Variants in NOX4 observed in about 807,000 individuals in gnomAD.
The protein encoded by NOX4 is NADPH oxidase 4, also known as kidney oxidase-1.
NOX4 carries 69 observed loss-of-function variants against 87.6 expected under a neutral mutation model. The observed-to-expected ratio is 0.79, with a 90% CI of 0.65 to 0.96. NOX4 has a LOEUF of 0.96. Among genes scored for constraint, NOX4 ranks in the 40% least tolerant of loss-of-function variants. The pLI is 0.00. For missense variants in NOX4, 680 were observed against 681.5 expected, an observed-to-expected ratio of 1.00 and a Z score of 0.02; for synonymous variants, 275 against 238.2, an observed-to-expected ratio of 1.15 and a Z score of -1.42.
the NOX4 span, among the ~76,000 whole-genome samples, chr11:89,527,586 G>C: frequency 1.3e-5 from 2 of 152,116 alleles, no homozygotes; most frequent in African/African-American, 4.8e-5. Flanking sequence ...CCCAGATATG[G>C]CTAAAAGGGG....
chr11:89,513,822 A>G, the NOX4 span, among the ~76,000 whole-genome samples: 4 of 152,092 alleles, frequency 2.6e-5, no homozygotes, highest in East Asian at 1.9e-4. Flanking sequence ...CAAGGAAACC[A>G]TAACATAAAT....
At chr11:89,378,133 G>GA (rs1939990675) in intron 11 of NOX4, among the ~76,000 whole-genome samples, 1 of 152,186 alleles carries the variant, frequency 6.6e-6, no homozygotes, top group Admixed American at 6.5e-5. Context: ...GTCACCCTGT[G>GA]AAAAACCACC....
chr11:89,476,703 A>G (rs1421966425), intron 2 of NOX4, among the ~76,000 whole-genome samples: 1 of 152,162 alleles, frequency 6.6e-6, no homozygotes, highest in Non-Finnish European at 1.5e-5. Flanking sequence ...AAGCAGCAGG[A>G]TATTAGAGGT....
chr11:89,524,257 T>C, the NOX4 span, among the ~76,000 whole-genome samples: 2 of 152,188 alleles, frequency 1.3e-5, no homozygotes, highest in African/African-American at 2.4e-5. Flanking sequence ...AAATGTCAAG[T>C]AGGTTTAAGT....
the NOX4 span, among the ~76,000 whole-genome samples, chr11:89,536,133 CTTTTCTTTTTTTTT>C: frequency 3.9e-4 from 52 of 134,786 alleles, no homozygotes; most frequent in African/African-American, 1.5e-3. Flanking sequence ...TGATCTGGTC[CTTTTCTTTTTTTTT>C]TTTTTTTTTT....
chr11:89,465,923 G>C (rs962499439), intron 2 of NOX4, among the ~76,000 whole-genome samples: 11 of 152,032 alleles, frequency 7.2e-5, no homozygotes, highest in Non-Finnish European at 1.2e-4. Context: ...CCATTCTGTA[G>C]GTTGCCTGTT....
At chr11:89,455,044 T>C (rs1945125032) in intron 2 of NOX4, among the ~76,000 whole-genome samples, 1 of 152,074 alleles carries the variant, frequency 6.6e-6, no homozygotes, top group Non-Finnish European at 1.5e-5. Context: ...GAGAAAAGCC[T>C]ACTCCAATAG....
the NOX4 span, among the ~76,000 whole-genome samples, chr11:89,589,028 C>A: frequency 2.6e-5 from 4 of 152,258 alleles, no homozygotes; most frequent in Admixed American, 1.3e-4. Flanking sequence ...AATTAACAGA[C>A]AACATATTAG....
chr11:89,386,100 G>C (rs915460565), intron 11 of NOX4, among the ~76,000 whole-genome samples: 1 of 152,094 alleles, frequency 6.6e-6, no homozygotes, highest in Non-Finnish European at 1.5e-5. Flanking sequence ...AAAAGGAATG[G>C]ACAATACTTT....
At chr11:89,533,800 T>G in the NOX4 span, 1 of 152,210 alleles carries the variant, frequency 6.6e-6, no homozygotes, top group Non-Finnish European at 1.5e-5. Flanking sequence ...TAAAGACTGT[T>G]GATTCTACAC....
intron 7 of NOX4, among the ~76,000 whole-genome samples, chr11:89,425,924 T>C (rs566291514): frequency 6.6e-6 from 1 of 152,276 alleles, no homozygotes; most frequent in East Asian, 1.9e-4. Context: ...TTGGAGATTC[T>C]TGAAGATTAG....
intron 8 of NOX4, among the ~76,000 whole-genome samples, chr11:89,409,731 A>G (rs1645213302): frequency 6.6e-6 from 1 of 152,188 alleles, no homozygotes; most frequent in African/African-American, 2.4e-5. Context: ...AACAAAAGAT[A>G]TAAAGTTAAA....
chr11:89,524,772 T>A, the NOX4 span, among the ~76,000 whole-genome samples: 1 of 152,256 alleles, frequency 6.6e-6, no homozygotes, highest in Admixed American at 6.5e-5. Flanking sequence ...AATGGTTTAA[T>A]CTGACTAATT....
chr11:89,339,593 C>T (rs753778715), intron 15 of NOX4, among the ~76,000 whole-genome samples: 4 of 151,980 alleles, frequency 2.6e-5, no homozygotes, highest in African/African-American at 7.2e-5. Context: ...AAATAAAACA[C>T]AAAATTTGGG....
chr11:89,536,266 T>C, the NOX4 span, among the ~76,000 whole-genome samples: 1 of 150,916 alleles, frequency 6.6e-6, no homozygotes, highest in African/African-American at 2.4e-5. Flanking sequence ...CCTGCCTCAG[T>C]CTTCCGAGTA....
chr11:89,488,844 A>G (rs760178041), intron 2 of NOX4: 21 of 590,344 alleles, frequency 3.6e-5, no homozygotes, highest in Non-Finnish European at 5.4e-5. Flanking sequence ...ATCAGACCTC[A>G]TGTGTTTATT....
rs1056918230 is a variant in NOX4 at position 89,402,405 on chromosome 11, G to C, written c.767C>G (p.Ser256Ter). The change falls in exon 9 of 18, where the codon TCA (serine) becomes TGA (stop). Residue 256 changes from serine to a stop codon, truncating the protein, a stop_gained. Coordinates refer to ENST00000263317, the MANE Select transcript of NOX4 (RefSeq NM_016931.5). LOFTEE classifies it high-confidence loss of function. ...HFHEPFPEGFSKPAEFTQHKF... is the reference protein window; with the variant it reads ...HFHEPFPEGF The stretch of plus-strand genomic sequence containing the variant: ...GTGCTGGGTAAACTCTGCCGGTTTT[G>C]AAAATCCTTCAGGGAAAGGTTCATG... 4.8e-5 allele frequency: 77 copies of C among 1,612,946 alleles called. No homozygotes were observed. The highest frequency in any genetic ancestry group is 1.6e-4 in the Middle Eastern group (1 of 6,070).
Position 89,446,094 on chromosome 11 carries a change from G to A in NOX4, c.350-1862C>T, listed in dbSNP as rs116427836. ...CCTCACCAAAGAAGATATACAGATG[G>A]CAAACAAGCACGAAAAGATGATCCA... On this transcript the variant is annotated intron_variant, in intron 4 of 17. Coordinates refer to ENST00000263317, the MANE Select transcript of NOX4 (RefSeq NM_016931.5). Among the ~76,000 whole-genome samples the A allele has an allele frequency of 6.8e-3, 1,036 of 152,146 alleles. 12 individuals are homozygous for A. The highest frequency in any genetic ancestry group is 0.024 in the African/African-American group (979 of 41,532).
intron 7 of NOX4, among the ~76,000 whole-genome samples, chr11:89,425,119 C>G (rs1270179370): frequency 6.6e-6 from 1 of 151,964 alleles, no homozygotes; most frequent in African/African-American, 2.4e-5. Flanking sequence ...ATAAGTATGT[C>G]AGATGCTCTA....
Sources: gnomAD v4.1 joint callset for allele counts (sites outside exome capture counted in the v4.1 genomes callset) on GRCh38, gnomAD v4.1.1 for gene constraint, MANE v1.5 for transcripts, NCBI Gene and HGNC (gene_info 2026-07-23, HGNC 2026-07-21) for gene names.